The following ESR2 variants were observed in gnomAD, a reference collection of about 807,000 sequenced individuals.
The protein encoded by ESR2 is estrogen receptor 2, also known as estrogen receptor beta.
In ESR2, 36 loss-of-function variants were observed where a neutral mutation model predicts 49.6. That is an observed-to-expected ratio of 0.73 (90% CI 0.56 to 0.96). The LOEUF is 0.96. Among genes scored for constraint, ESR2 ranks in the 40% least tolerant of loss-of-function variants. The probability of loss-of-function intolerance (pLI) is 0.00; values close to 1 mark genes in which losing one functional copy is unlikely to be tolerated. For missense variants in ESR2, 714 were observed against 693.0 expected (o/e 1.03, Z -0.34); for synonymous variants, 320 against 266.1 (o/e 1.20, Z -1.97).
At chr14:64,288,481 G>A (rs1436277581) in intron 1 of ESR2, among the ~76,000 whole-genome samples, 1 of 151,448 alleles carries the variant, frequency 6.6e-6, no homozygotes, top group Admixed American at 6.6e-5. Flanking sequence ...TCAAGTAGCT[G>A]GGACTACAGG....
At chr14:64,310,624 A>G (rs901431149) in intron 1 of ESR2, among the ~76,000 whole-genome samples, 1 of 151,932 alleles carries the variant, frequency 6.6e-6, no homozygotes, top group East Asian at 1.9e-4. Flanking sequence ...GGTGCACACC[A>G]CCACGCCCAA....
At chr14:64,254,171 T>C (rs181314807) in intron 6 of ESR2, among the ~76,000 whole-genome samples, 10 of 152,310 alleles carry the variant, frequency 6.6e-5, no homozygotes, top group Admixed American at 5.9e-4. Context: ...GTTAGTTGTA[T>C]TCACTGTTTA....
chr14:64,319,407 A>G (rs1194230294), intron 1 of ESR2, among the ~76,000 whole-genome samples: 1 of 151,538 alleles, frequency 6.6e-6, no homozygotes, highest in Non-Finnish European at 1.5e-5. Flanking sequence ...AGATTCATGA[A>G]AAAAAAAACT....
intron 1 of ESR2, among the ~76,000 whole-genome samples, chr14:64,316,260 C>T (rs963706105): frequency 6.6e-6 from 1 of 151,808 alleles, no homozygotes; most frequent in Non-Finnish European, 1.5e-5. Flanking sequence ...GATCCTCCTG[C>T]CTCAGCCTCC....
chr14:64,309,056 A>T (rs1369132232), intron 1 of ESR2, among the ~76,000 whole-genome samples: 1 of 152,212 alleles, frequency 6.6e-6, no homozygotes, highest in Non-Finnish European at 1.5e-5. Flanking sequence ...TTTGGTGAGG[A>T]TCAAATAACA....
At chr14:64,257,134 G>T (rs576051032) in intron 6 of ESR2, 92 bp downstream of exon 6, 651 of 1,207,160 alleles carry the variant, frequency 5.4e-4, no homozygotes, top group Admixed American at 1.1e-3. Flanking sequence ...GCAAGTGTGA[G>T]ATTTTAATTG....
At position 64,249,563 on chromosome 14, in the gene ESR2, A is replaced by C. The variant is rs1432744457; in HGVS notation, c.1208T>G (p.Met403Arg). The change falls in exon 7 of 9, where the codon ATG becomes AGG. Residue 403 changes from methionine (M) to arginine (R), a missense_variant. Transcript: ENST00000341099. ...TTACTTACTGGAATTGAGCAGGATC[A>C]TGGCCTTGACACAGAGATATTCTTT... is the stretch of plus-strand genomic sequence containing the variant. ...QHKEYLCVKA[M>R]ILLNSSMYPL... 6.2e-7 allele frequency: 1 copy of C among 1,613,884 alleles called. No homozygotes were observed. The highest frequency in any genetic ancestry group is 8.5e-7 in the Non-Finnish European group (1 of 1,179,976).
intron 1 of ESR2, among the ~76,000 whole-genome samples, chr14:64,290,424 A>G (rs2076852977): frequency 6.6e-6 from 1 of 151,760 alleles, no homozygotes; most frequent in South Asian, 2.1e-4. Context: ...TTATTTAGAG[A>G]TAGAGTTTTG....
intron 1 of ESR2, among the ~76,000 whole-genome samples, chr14:64,312,879 A>G (rs1371403136): frequency 2.0e-5 from 3 of 152,146 alleles, no homozygotes; most frequent in Non-Finnish European, 4.4e-5. Flanking sequence ...ACTACACTAC[A>G]GCCTGGGGAA....
intron 1 of ESR2, among the ~76,000 whole-genome samples, chr14:64,310,474 T>C (rs936227604): frequency 2.9e-5 from 4 of 137,542 alleles, no homozygotes; most frequent in African/African-American, 1.1e-4. Context: ...GCCGGAGAAC[T>C]TTTTTTTTTT....
At chr14:64,257,483 T>A (rs2076127584) in intron 5 of ESR2, 119 bp from the exon 6 acceptor site, 2 of 1,262,486 alleles carry the variant, frequency 1.6e-6, no homozygotes, top group African/African-American at 3.0e-5. Flanking sequence ...AGGGAGTTGA[T>A]ATTTTATAGA....
intron 1 of ESR2, among the ~76,000 whole-genome samples, chr14:64,285,826 CAAAAAAAAAA>C (rs10559131): frequency 9.9e-6 from 1 of 100,804 alleles, no homozygotes; most frequent in African/African-American, 3.7e-5. Context: ...GACTCTGTCT[CAAAAAAAAAA>C]AAAAAAGAAA....
intron 1 of ESR2, among the ~76,000 whole-genome samples, chr14:64,304,409 G>A (rs946092514): frequency 6.6e-6 from 1 of 152,156 alleles, no homozygotes; most frequent in African/African-American, 2.4e-5. Flanking sequence ...TGATCTGTGG[G>A]GGTCTTTGGT....
chr14:64,244,277 G>A (rs2075802332), intron 7 of ESR2, among the ~76,000 whole-genome samples: 1 of 152,064 alleles, frequency 6.6e-6, no homozygotes, highest in East Asian at 1.9e-4. Flanking sequence ...GCAGATGCCT[G>A]TAATCTCAGC....
rs1306623975 is a variant in ESR2, at chr14:64,282,790, C to T, written c.196G>A (p.Glu66Lys). ...GTGGTCTGCCGACCAGGCCCACCTT[C>T]CAAGTTAGTGACATTGCTGGGAATG... ...YSIPSNVTNL[E>K]GGPGRQTTSP... The change falls in exon 2 of 9, where the codon GAA (glutamate) becomes AAA (lysine). Residue 66 changes from glutamate (E) to lysine (K), a missense_variant. Glu to Lys is a moderately conservative substitution (Grantham distance 56). Coordinates refer to ENST00000341099, the MANE Select transcript of ESR2 (RefSeq NM_001437.3). 1 of 1,614,224 alleles carries T rather than the reference C, an allele frequency of 6.2e-7. No individual in the cohort carries two copies. The highest frequency in any genetic ancestry group is 1.1e-5 in the South Asian group (1 of 91,084).
chr14:64,246,752 A>AAAAC (rs2075867420), intron 7 of ESR2, among the ~76,000 whole-genome samples: 1 of 146,076 alleles, frequency 6.8e-6, no homozygotes, highest in African/African-American at 2.7e-5. Context: ...AAAAAAAAAA[A>AAAAC]AAAAAAAAAA....
chr14:64,307,437 A>T (rs531199491), intron 1 of ESR2, among the ~76,000 whole-genome samples: 1 of 151,726 alleles, frequency 6.6e-6, no homozygotes, highest in African/African-American at 2.4e-5. Context: ...GTGGTCTCGA[A>T]CTCCTGACCT....
At chr14:64,257,001 G>A (rs1326410014) in intron 6 of ESR2, among the ~76,000 whole-genome samples, 2 of 152,168 alleles carry the variant, frequency 1.3e-5, no homozygotes, top group Non-Finnish European at 2.9e-5. Flanking sequence ...GCGCTGGCCT[G>A]TAAATGCTGC....
chr14:64,262,835 T>C (rs2076250109), intron 4 of ESR2, among the ~76,000 whole-genome samples: 1 of 152,230 alleles, frequency 6.6e-6, no homozygotes, highest in Admixed American at 6.5e-5. Context: ...CACTTGAACC[T>C]GGGAGGCAGA....
Sources: gnomAD v4.1 joint callset for allele counts (sites outside exome capture counted in the v4.1 genomes callset) on GRCh38, gnomAD v4.1.1 for gene constraint, MANE v1.5 for transcripts, NCBI Gene and HGNC (gene_info 2026-07-23, HGNC 2026-07-21) for gene names.